The following GAD1 variants were observed in gnomAD, a reference collection of about 807,000 sequenced individuals.
GAD1 encodes glutamate decarboxylase 1.
In GAD1, 35 loss-of-function variants were observed where a neutral mutation model predicts 75.2. That is an observed-to-expected ratio of 0.47 (90% CI 0.36 to 0.62). The LOEUF (loss-of-function observed/expected upper bound fraction) is 0.62, where lower values mean the gene tolerates loss of function less well. Among genes scored for constraint, GAD1 ranks in the 20% least tolerant of loss-of-function variants. GAD1 has a pLI of 0.00. For synonymous variants in GAD1, 257 were observed against 271.9 expected (o/e 0.95, Z 0.54); for missense variants, 490 against 758.5 (o/e 0.65, Z 4.16).
At position 170,857,030 on chromosome 2, in the gene GAD1, T is replaced by C. The variant is rs1222155975; in HGVS notation, c.1426T>C (p.Phe476Leu). ...CTCTTTAAAACAGGGCACAGTGGGA[T>C]TTGAAAACCAGATCAACAAATGCCT... is the stretch of plus-strand genomic sequence containing the variant. ...LMWKAKGTVG[F>L]ENQINKCLEL... is the part of the protein sequence containing the mutation. Residue 476 changes from phenylalanine to leucine, a missense_variant, in exon 15 of 17, where the codon TTT becomes CTT. Physicochemically the swap from Phe to Leu is conservative, Grantham distance 22 (BLOSUM62 0). Coordinates refer to ENST00000358196, the MANE Select transcript of GAD1 (RefSeq NM_000817.3). 1 of 1,613,816 alleles carries C rather than the reference T, an allele frequency of 6.2e-7. No individual in the cohort carries two copies. Among genetic ancestry groups the C allele is most frequent in the Non-Finnish European group, 8.5e-7 (1 of 1,179,840 alleles).
chr2:170,843,938 T>A, intron 6 of GAD1, 107 bp from the exon 7 acceptor site: 1 of 694,546 alleles, frequency 1.4e-6, no homozygotes, highest in East Asian at 2.8e-5. Context: ...TTGGAACAGC[T>A]TTTTTTTAGA....
At chr2:170,816,420 G>C (rs1447892126), upstream of GAD1, 1 of 152,196 alleles carries the variant, frequency 6.6e-6, no homozygotes, top group Admixed American at 6.5e-5. Flanking sequence ...TCAAGGAAGC[G>C]TCGCAGGGTC....
At chr2:170,817,227 C>G (rs1575419415) in intron 1 of GAD1, 179 bp downstream of exon 1, 1 of 55,804 alleles carries the variant, frequency 1.8e-5, no homozygotes, top group Admixed American at 1.5e-4. Flanking sequence ...GCGCAGGGAC[C>G]CCCCCCCCCC....
chr2:170,845,916 G>A (rs566961236), intron 9 of GAD1, 93 bp from the exon 10 acceptor site: 99 of 1,465,140 alleles, frequency 6.8e-5, no homozygotes, highest in Non-Finnish European at 9.0e-5. Flanking sequence ...GAAAATATCC[G>A]ATTAAATTGC....
Position 170,857,062 on chromosome 2 carries a change from G to A in GAD1, c.1458G>A (p.Leu486=). Residue 486 remains leucine (L), a synonymous_variant, in exon 15 of 17, where the codon CTG becomes CTA. Coordinates refer to ENST00000358196, the MANE Select transcript of GAD1 (RefSeq NM_000817.3). ...ACCAGATCAACAAATGCCTGGAACTGGCTGAATACCTCTATGCCAAGATTA... is the reference window on the plus strand; with the variant it reads ...ACCAGATCAACAAATGCCTGGAACTAGCTGAATACCTCTATGCCAAGATTA... ...FENQINKCLE[L]AEYLYAKIKN... 1 of 1,614,000 alleles carries A rather than the reference G, an allele frequency of 6.2e-7. No individual in the cohort carries two copies. Among genetic ancestry groups the A allele is most frequent in the Non-Finnish European group, 8.5e-7 (1 of 1,179,990 alleles).
intron 12 of GAD1, among the ~76,000 whole-genome samples, chr2:170,849,984 A>G (rs1041547797): frequency 2.0e-5 from 3 of 152,200 alleles, no homozygotes; most frequent in African/African-American, 7.2e-5. Flanking sequence ...TATGATTTTG[A>G]CCTGACTCCT....
rs1702794895 is a variant in GAD1 at position 170,853,755 on chromosome 2, AC to A, written c.1264-117del. On this transcript the variant is annotated intron_variant, in intron 13 of 16. Coordinates refer to ENST00000358196, the MANE Select transcript of GAD1 (RefSeq NM_000817.3). The surrounding 1 kb of genome is among the most constrained non-coding windows in gnomAD (Gnocchi z 4.1). Reference sequence around the variant, plus strand: ...AGAACAAGTGTAAGGCCTCATAAAGACATCAGAAGAAAGATTGCATATGACC... The same window carrying A: ...AGAACAAGTGTAAGGCCTCATAAAGAATCAGAAGAAAGATTGCATATGACC... 1 of 974,194 alleles carries A rather than the reference AC, an allele frequency of 1.0e-6. No individual in the cohort carries two copies. Among genetic ancestry groups the A allele is most frequent in the Non-Finnish European group, 1.6e-6 (1 of 607,808 alleles). 60.3% of individuals were successfully genotyped at this position (974,194 alleles called of 1,614,324 possible).
At chr2:170,849,380 C>A in intron 12 of GAD1, 30 bp downstream of exon 12, 1 of 1,600,304 alleles carries the variant, frequency 6.2e-7, no homozygotes, top group Non-Finnish European at 8.6e-7. Flanking sequence ...AGGCCTCCTT[C>A]CACCCAGCAC....
At chr2:170,846,564 G>T (rs1702637782) in intron 10 of GAD1, among the ~76,000 whole-genome samples, 1 of 152,228 alleles carries the variant, frequency 6.6e-6, no homozygotes, top group Non-Finnish European at 1.5e-5. Flanking sequence ...CCAGGTAGCT[G>T]TCAGGCCACT....
intron 6 of GAD1, among the ~76,000 whole-genome samples, chr2:170,840,420 AG>A (rs1269038902): frequency 1.3e-5 from 2 of 152,230 alleles, no homozygotes; most frequent in African/African-American, 4.8e-5. Flanking sequence ...GTATCAGGAT[AG>A]AGTCAGCATG....
At chr2:170,820,473 C>G (rs879292404) in intron 2 of GAD1, among the ~76,000 whole-genome samples, 3 of 152,266 alleles carry the variant, frequency 2.0e-5, no homozygotes, top group Non-Finnish European at 2.9e-5. Context: ...GCTGGGCGCT[C>G]TATCCACTCT....
At chr2:170,828,504 C>CCT (rs1702103714) in intron 3 of GAD1, among the ~76,000 whole-genome samples, 2 of 138,128 alleles carry the variant, frequency 1.4e-5, no homozygotes, top group African/African-American at 2.7e-5. Context: ...TGTCCTTGAT[C>CCT]TCCTCCCTCT....
intron 5 of GAD1, among the ~76,000 whole-genome samples, chr2:170,834,015 AG>A (rs1702306457): frequency 1.4e-5 from 2 of 144,184 alleles, no homozygotes; most frequent in African/African-American, 5.2e-5. Context: ...AAAAAAAAAG[AG>A]AGAGAGAGAG....
chr2:170,828,354 T>C (rs1193648775), intron 3 of GAD1, among the ~76,000 whole-genome samples: 2 of 121,138 alleles, frequency 1.7e-5, no homozygotes, highest in Non-Finnish European at 3.3e-5. Context: ...CCCTCTGCTG[T>C]CCTCATCCCC....
chr2:170,823,231 A>ACGCC (rs1292484023), intron 3 of GAD1, among the ~76,000 whole-genome samples: 1 of 152,124 alleles, frequency 6.6e-6, no homozygotes, highest in Non-Finnish European at 1.5e-5. Context: ...GGCACGGGAC[A>ACGCC]CGCCCGCCCG....
chr2:170,822,104 G>C lies in GAD1; in HGVS notation c.100G>C (p.Gly34Arg). ...CGTCCTAGCGTACGATACCTGGTGC[G>C]GCGTGGCCCATGGATGCACCAGAAA... The part of the protein sequence containing the change: ...LRPTTYDTWC[G>R]VAHGCTRKLG... The change falls in exon 3 of 17, where the codon GGC becomes CGC. Residue 34 changes from glycine to arginine, a missense_variant. Transcript: ENST00000358196. 6.2e-7 allele frequency: 1 copy of C among 1,611,550 alleles called. No homozygotes were observed. The highest frequency in any genetic ancestry group is 8.5e-7 in the Non-Finnish European group (1 of 1,179,094).
At chr2:170,819,005 GC>G (rs1305965476) in intron 2 of GAD1, among the ~76,000 whole-genome samples, 2 of 152,158 alleles carry the variant, frequency 1.3e-5, no homozygotes, top group Non-Finnish European at 2.9e-5. Context: ...AGGGGTCAGC[GC>G]AGGGGGCGGA....
At chr2:170,832,408 A>G (rs1175686261) in intron 5 of GAD1, among the ~76,000 whole-genome samples, 1 of 152,018 alleles carries the variant, frequency 6.6e-6, no homozygotes, top group African/African-American at 2.4e-5. Flanking sequence ...TGTGTGTCCA[A>G]ATTTCTCTCT....
chr2:170,836,723 C>T, intron 5 of GAD1, 70 bp from the exon 6 acceptor site: 2 of 1,032,310 alleles, frequency 1.9e-6, no homozygotes, highest in South Asian at 1.3e-5. Flanking sequence ...CCCAGTGGGG[C>T]AGGCCGTTTG....
Sources: gnomAD v4.1 joint callset for allele counts (sites outside exome capture counted in the v4.1 genomes callset) on GRCh38, gnomAD v4.1.1 for gene constraint, Gnocchi (gnomAD v3.1) non-coding constraint, MANE v1.5 for transcripts, NCBI Gene and HGNC (gene_info 2026-07-23, HGNC 2026-07-21) for gene names.